SPAST: variants seen among roughly 807,000 people sequenced by gnomAD.
SPAST encodes spastic paraplegia 4 (autosomal dominant; spastin).
In SPAST, 30 loss-of-function variants were observed where a neutral mutation model predicts 76.6. That is an observed-to-expected ratio of 0.39 (90% CI 0.29 to 0.53). The LOEUF (loss-of-function observed/expected upper bound fraction) is 0.53, where lower values mean the gene tolerates loss of function less well. Ranked by LOEUF, SPAST falls within the 20% of genes least tolerant of loss-of-function variation. The probability of loss-of-function intolerance (pLI) is 0.68; values close to 1 mark genes in which losing one functional copy is unlikely to be tolerated. For missense variants in SPAST, 717 were observed against 770.5 expected (o/e 0.93, Z 0.82); for synonymous variants, 305 against 281.0 (o/e 1.09, Z -0.86).
rs570574907 is a variant in SPAST at position 32,149,563 on chromosome 2, G to A, written c.1728+2305G>A. ...GAATTACAGTCAGCCTTTTCTATCC[G>A]TGGATTCTGCATTCATGGATTCAAC... On this transcript the variant is annotated intron_variant, in intron 16 of 16. Coordinates refer to ENST00000315285, the MANE Select transcript of SPAST (RefSeq NM_014946.4). Among the ~76,000 whole-genome samples, 6 of 152,236 alleles carry A rather than the reference G, an allele frequency of 3.9e-5. No homozygotes were observed. The East Asian group carries it at 5.8e-4, about 15-fold the overall frequency.
intron 1 of SPAST, among the ~76,000 whole-genome samples, chr2:32,076,870 T>C (rs911468424): frequency 2.0e-5 from 3 of 151,632 alleles, no homozygotes; most frequent in Non-Finnish European, 4.4e-5. Flanking sequence ...CTTAATTGAG[T>C]GTTTGTTTTT....
intron 2 of SPAST, 93 bp downstream of exon 2, chr2:32,087,671 C>T (rs868211355): frequency 9.1e-5 from 35 of 386,440 alleles, no homozygotes; most frequent in Middle Eastern, 8.3e-4. Flanking sequence ...ATTTATTTTT[C>T]TTTCTTTCTT....
At chr2:32,070,424 CTA>C (rs1676700152) in intron 1 of SPAST, among the ~76,000 whole-genome samples, 1 of 152,092 alleles carries the variant, frequency 6.6e-6, no homozygotes, top group Non-Finnish European at 1.5e-5. Context: ...TGAAACCAAA[CTA>C]TTTCAAAAGA....
intron 16 of SPAST, among the ~76,000 whole-genome samples, chr2:32,148,998 T>C (rs1037055441): frequency 6.6e-6 from 1 of 151,856 alleles, no homozygotes; most frequent in Non-Finnish European, 1.5e-5. Context: ...TACATGAAAC[T>C]TGTGGGGGTT....
At chr2:32,110,126 G>GC (rs1678492937) in intron 4 of SPAST, among the ~76,000 whole-genome samples, 1 of 111,912 alleles carries the variant, frequency 8.9e-6, no homozygotes, top group Admixed American at 8.9e-5. Flanking sequence ...TGTTTTTTTT[G>GC]TTTTTTTTTG....
At chr2:32,096,840 G>GT (rs1224216819) in intron 3 of SPAST, among the ~76,000 whole-genome samples, 1 of 150,810 alleles carries the variant, frequency 6.6e-6, no homozygotes, top group Non-Finnish European at 1.5e-5. Flanking sequence ...CATTTAAAGA[G>GT]TTTATCATTG....
chr2:32,143,508 A>ATTACTCATTTCATACTT, intron 14 of SPAST, 93 bp downstream of exon 14: 1 of 786,676 alleles, frequency 1.3e-6, no homozygotes, highest in Non-Finnish European at 2.1e-6. Flanking sequence ...TTAAGTATGA[A>ATTACTCATTTCATACTT]ATGAGTAATT....
intron 8 of SPAST, 79 bp downstream of exon 8, chr2:32,127,101 T>C: frequency 1.1e-6 from 1 of 940,210 alleles, no homozygotes; most frequent in Non-Finnish European, 1.8e-6. Context: ...ATCTTGTCCT[T>C]GAGTCTATTA....
At chr2:32,087,972 C>T (rs1431970407) in intron 2 of SPAST, among the ~76,000 whole-genome samples, 3 of 151,906 alleles carry the variant, frequency 2.0e-5, no homozygotes, top group African/African-American at 7.3e-5. Flanking sequence ...CAATCTCCGC[C>T]TCCCGGATTC....
chr2:32,142,692 G>A (rs1043394331), intron 13 of SPAST, among the ~76,000 whole-genome samples: 2 of 152,056 alleles, frequency 1.3e-5, no homozygotes, highest in East Asian at 1.9e-4. Flanking sequence ...CACCGTGCCC[G>A]GCCAGAAATC....
chr2:32,071,131 C>T (rs1317422892), intron 1 of SPAST, among the ~76,000 whole-genome samples: 1 of 152,090 alleles, frequency 6.6e-6, no homozygotes, highest in African/African-American at 2.4e-5. Flanking sequence ...TGTGGGTAGA[C>T]AAGCCGGAAA....
Position 32,134,573 on chromosome 2 carries a change from G to C in SPAST, c.1246-1990G>C, listed in dbSNP as rs770943493. On this transcript the variant is annotated intron_variant, in intron 9 of 16. Coordinates refer to ENST00000315285, the MANE Select transcript of SPAST (RefSeq NM_014946.4). ...CCCATTTCGGCCTCCCAAAGTGCTA[G>C]GATCACAGGCATGAGTCACTGTGCC... Among the ~76,000 whole-genome samples the C allele has an allele frequency of 1.2e-4, 19 of 152,228 alleles. No individual in the cohort carries two copies. The Middle Eastern group carries it at 0.014, about 109-fold the overall frequency.
intron 2 of SPAST, among the ~76,000 whole-genome samples, chr2:32,089,000 C>T (rs1329952755): frequency 2.0e-5 from 3 of 152,002 alleles, no homozygotes; most frequent in African/African-American, 7.2e-5. Flanking sequence ...GACCTGAAAT[C>T]TATGAAATAC....
intron 1 of SPAST, among the ~76,000 whole-genome samples, chr2:32,070,909 A>T (rs1676723873): frequency 6.6e-6 from 1 of 152,222 alleles, no homozygotes; most frequent in South Asian, 2.1e-4. Flanking sequence ...ATTTTATATA[A>T]GGAGAAGCTG....
At chr2:32,066,788 A>G (rs1676529424) in intron 1 of SPAST, among the ~76,000 whole-genome samples, 1 of 152,060 alleles carries the variant, frequency 6.6e-6, no homozygotes, top group South Asian at 2.1e-4. Flanking sequence ...AGCCTGGGCA[A>G]CATAGTGAAA....
rs190631593 is a variant in SPAST at position 32,108,651 on chromosome 2, A to G, written c.683-5987A>G. ...TTTTTTGTAGAGATGGGGTTTCCCC[A>G]TGTTGGCCAGTCTGGTCTCAAACTC... On this transcript the variant is annotated intron_variant, in intron 4 of 16. Transcript: ENST00000315285. Among the ~76,000 whole-genome samples, 4 of 149,672 alleles carry G rather than the reference A, an allele frequency of 2.7e-5. No individual in the cohort carries two copies. The East Asian group carries it at 6.0e-4, about 22-fold the overall frequency.
At chr2:32,136,068 A>T (rs1368499096) in intron 9 of SPAST, among the ~76,000 whole-genome samples, 1 of 149,902 alleles carries the variant, frequency 6.7e-6, no homozygotes, top group African/African-American at 2.5e-5. Context: ...ATAGAGCAAA[A>T]CTCTGTCTCA....
chr2:32,067,325 G>A (rs1676561374), intron 1 of SPAST, among the ~76,000 whole-genome samples: 2 of 152,172 alleles, frequency 1.3e-5, no homozygotes, highest in African/African-American at 4.8e-5. Context: ...GCCTCCCAAA[G>A]TGCTGGGATT....
At chr2:32,150,449 A>G (rs971990160) in intron 16 of SPAST, among the ~76,000 whole-genome samples, 27 of 149,574 alleles carry the variant, frequency 1.8e-4, no homozygotes, top group Non-Finnish European at 3.4e-4. Context: ...TTTTTATTTT[A>G]TTTTTTGGGA....
Sources: allele counts gnomAD v4.1 joint callset (sites outside exome capture counted in the v4.1 genomes callset), GRCh38; gene constraint gnomAD v4.1.1; transcripts MANE v1.5; gene names NCBI Gene and HGNC (gene_info 2026-07-23, HGNC 2026-07-21).